GABRR2: variants seen among roughly 807,000 people sequenced by gnomAD.
The protein encoded by GABRR2 is gamma-aminobutyric acid receptor subunit rho-2.
A neutral mutation model predicts 47.0 loss-of-function variants in GABRR2; 36 were observed. The observed-to-expected ratio is 0.77, with a 90% CI of 0.59 to 1.01. GABRR2 has a LOEUF of 1.01. GABRR2 is among the 50% of genes least tolerant of loss of function. The pLI is 0.00. For synonymous variants in GABRR2, 204 were observed against 227.5 expected (o/e 0.90, Z 0.93); for missense variants, 587 against 594.6 (o/e 0.99, Z 0.13).
intron 5 of GABRR2, 46 bp from the exon 6 acceptor site, chr6:89,267,865 T>A: frequency 6.2e-7 from 1 of 1,604,214 alleles, no homozygotes; most frequent in Non-Finnish European, 8.5e-7. Flanking sequence ...TCGCTTCTGA[T>A]GCAGGGTGAA....
intron 1 of GABRR2, among the ~76,000 whole-genome samples, chr6:89,311,125 G>A (rs1468877267): frequency 6.6e-6 from 1 of 152,174 alleles, no homozygotes; most frequent in Non-Finnish European, 1.5e-5. Context: ...GGGTCTCTGG[G>A]CAGTGACCGT....
intron 2 of GABRR2, among the ~76,000 whole-genome samples, chr6:89,290,265 C>A (rs1774413911): frequency 6.6e-6 from 1 of 152,206 alleles, no homozygotes; most frequent in South Asian, 2.1e-4. Context: ...CAGACTGGGC[C>A]CAGCACATGA....
rs550279821 is a variant in GABRR2 at position 89,277,442 on chromosome 6, T to A, written c.221-5720A>T. Among the ~76,000 whole-genome samples, 28 of 152,240 alleles carry A rather than the reference T, an allele frequency of 1.8e-4. 1 individual carries two copies. In the South Asian group the frequency reaches 5.8e-3, roughly 32 times the overall value. On this transcript the variant is annotated intron_variant, in intron 2 of 8. Coordinates refer to ENST00000402938, the MANE Select transcript of GABRR2 (RefSeq NM_002043.5). ...ACAAATAACTGACAAAGAGCTAGTA[T>A]ACAGAATATATAAATAACTCCTAAG...
Position 89,264,508 on chromosome 6 carries a change from G to A in GABRR2, c.990C>T (p.Val330=), listed in dbSNP as rs61732711. 4.9e-4 allele frequency: 787 copies of A among 1,614,126 alleles called. 5 individuals carry two copies. In the African/African-American group the frequency reaches 8.9e-3, roughly 18 times the overall value. Residue 330 remains valine, a synonymous_variant, in exon 8 of 9, where the codon GTC becomes GTT. Transcript: ENST00000402938. The part of the protein sequence containing the change: ...YVKAVDIYLW[V]SFVFVFLSVL... ...CCGAGAGGAACACGAACACAAAGCT[G>A]ACCCAGAGGTAGATGTCCACGGCCT... is the stretch of plus-strand genomic sequence containing the variant.
intron 1 of GABRR2, among the ~76,000 whole-genome samples, chr6:89,301,258 A>T (rs1033079229): frequency 2.0e-5 from 3 of 152,228 alleles, no homozygotes; most frequent in South Asian, 4.1e-4. Context: ...ACAAACCCAT[A>T]GCCAACGTCA....
chr6:89,306,538 C>T (rs1416819200), intron 1 of GABRR2, among the ~76,000 whole-genome samples: 1 of 152,234 alleles, frequency 6.6e-6, no homozygotes, highest in African/African-American at 2.4e-5. Flanking sequence ...CTTAGAAAGA[C>T]AATTCACAGC....
At chr6:89,285,783 T>C (rs1232734146) in intron 2 of GABRR2, among the ~76,000 whole-genome samples, 3 of 152,098 alleles carry the variant, frequency 2.0e-5, no homozygotes, top group African/African-American at 7.2e-5. Context: ...CACCATCCCA[T>C]CTGGACCAGC....
intron 1 of GABRR2, among the ~76,000 whole-genome samples, chr6:89,307,399 G>T (rs1767587042): frequency 2.0e-5 from 3 of 152,168 alleles, no homozygotes; most frequent in Admixed American, 2.0e-4. Flanking sequence ...CTCAAACTTA[G>T]CTACAGATTA....
Position 89,267,701 on chromosome 6 carries a change from C to T in GABRR2, c.714G>A (p.Arg238=), listed in dbSNP as rs1426074327. 5 of 1,613,574 alleles carry T rather than the reference C, an allele frequency of 3.1e-6. No homozygotes were observed. The South Asian group carries it at 5.5e-5, about 18-fold the overall frequency. ...TACCAGTGCTGCTGTAGAAGGCCAG[C>T]CTGGAAGTTGTGTGAAATTTCTGAA... ...FLIQKFHTTS[R]LAFYSSTGWY... Residue 238 remains arginine (R), a synonymous_variant, in exon 6 of 9, where the codon AGG becomes AGA. Coordinates refer to ENST00000402938, the MANE Select transcript of GABRR2 (RefSeq NM_002043.5).
At chr6:89,310,739 G>A (rs1767666018) in intron 1 of GABRR2, among the ~76,000 whole-genome samples, 1 of 151,528 alleles carries the variant, frequency 6.6e-6, no homozygotes, top group African/African-American at 2.4e-5. Flanking sequence ...TGAGAAGCGG[G>A]AGGGGGTGGG....
intron 2 of GABRR2, among the ~76,000 whole-genome samples, chr6:89,276,193 G>A (rs1311781950): frequency 6.8e-6 from 1 of 147,980 alleles, no homozygotes; most frequent in Non-Finnish European, 1.5e-5. Flanking sequence ...AAATAAGCAG[G>A]CACATCAGAA....
chr6:89,257,606 C>T lies in GABRR2; in HGVS notation c.*64G>A. On this transcript the variant is annotated 3_prime_UTR_variant, in exon 9 of 9. Transcript: ENST00000402938. ...AGGGGCGTGTGGTCAACAAGTCCGT[C>T]TGTCAATGACTGGCCAGGCCCCCTC... 7.5e-7 allele frequency: 1 copy of T among 1,329,454 alleles called. No homozygotes were observed. The highest frequency in any genetic ancestry group is 1.0e-6 in the Non-Finnish European group (1 of 964,452). 82.4% of individuals were successfully genotyped at this position (1,329,454 alleles called of 1,614,324 possible). A position where few individuals can be genotyped will look rare whatever the true frequency, so the allele number is the denominator to read the frequency against.
chr6:89,279,748 A>G (rs1189666994), intron 2 of GABRR2, among the ~76,000 whole-genome samples: 2 of 151,738 alleles, frequency 1.3e-5, no homozygotes, highest in Admixed American at 1.3e-4. Flanking sequence ...ATTTCTTAGT[A>G]GTGTGACTTT....
chr6:89,297,592 C>T (rs902518239), intron 2 of GABRR2, among the ~76,000 whole-genome samples: 8 of 152,148 alleles, frequency 5.3e-5, no homozygotes, highest in South Asian at 2.1e-4. Context: ...CAGTGGCACA[C>T]GCCTGTAATC....
intron 1 of GABRR2, among the ~76,000 whole-genome samples, chr6:89,314,360 A>G (rs1401459776): frequency 1.3e-5 from 2 of 152,224 alleles, no homozygotes; most frequent in African/African-American, 4.8e-5. Flanking sequence ...GGCCTGGAGT[A>G]TGATGCTTCG....
intron 1 of GABRR2, among the ~76,000 whole-genome samples, chr6:89,308,196 C>T (rs1483622601): frequency 6.6e-6 from 1 of 152,176 alleles, no homozygotes; most frequent in Non-Finnish European, 1.5e-5. Context: ...TCTGGAGGTT[C>T]TGATCTTGGA....
At chr6:89,297,958 C>G (rs1163054903) in intron 2 of GABRR2, among the ~76,000 whole-genome samples, 2 of 152,238 alleles carry the variant, frequency 1.3e-5, no homozygotes, top group East Asian at 1.9e-4. Context: ...AAAAGTGGAG[C>G]TTCTTGCTTT....
At chr6:89,310,497 TTC>T (rs1417358177) in intron 1 of GABRR2, among the ~76,000 whole-genome samples, 3 of 152,188 alleles carry the variant, frequency 2.0e-5, no homozygotes, top group African/African-American at 7.2e-5. Context: ...CCCAGCCATC[TTC>T]TCTCTCTACC....
Position 89,257,842 on chromosome 6 carries a change from A to G in GABRR2, c.1226T>C (p.Val409Ala). ...GGCTTCACCACTCAGGCCCAGGTGGACCACTATTTTGTCTTGCCTTTCTTC... is the reference window on the plus strand; with the variant it reads ...GGCTTCACCACTCAGGCCCAGGTGGGCCACTATTTTGTCTTGCCTTTCTTC... Reference protein sequence around the residue: ...TEEERQDKIVVHLGLSGEANA... With the variant: ...TEEERQDKIVAHLGLSGEANA... Residue 409 changes from valine to alanine, a missense_variant, in exon 9 of 9, where the codon GTC becomes GCC. Val to Ala is a moderately conservative substitution (Grantham distance 64). Coordinates refer to ENST00000402938, the MANE Select transcript of GABRR2 (RefSeq NM_002043.5). 6.2e-7 allele frequency: 1 copy of G among 1,614,058 alleles called. No homozygotes were observed. Among genetic ancestry groups the G allele is most frequent in the Non-Finnish European group, 8.5e-7 (1 of 1,179,904 alleles).
Sources: allele counts gnomAD v4.1 joint callset (sites outside exome capture counted in the v4.1 genomes callset), GRCh38; gene constraint gnomAD v4.1.1; transcripts MANE v1.5; gene names NCBI Gene and HGNC (gene_info 2026-07-23, HGNC 2026-07-21).